The following DSCAM variants were observed in gnomAD, a reference collection of about 807,000 sequenced individuals.
DSCAM encodes DS cell adhesion molecule.
Under a neutral mutation model 217.7 loss-of-function variants are expected in DSCAM, and 47 were observed. The observed-to-expected ratio is 0.22, with a 90% CI of 0.17 to 0.28. The LOEUF (loss-of-function observed/expected upper bound fraction) is 0.28. Ranked by LOEUF, DSCAM falls within the 10% of genes least tolerant of loss-of-function variation. The probability of loss-of-function intolerance (pLI) is 1.00; values close to 1 mark genes in which losing one functional copy is unlikely to be tolerated. For synonymous variants in DSCAM, 1,056 were observed against 1,015.3 expected, an observed-to-expected ratio of 1.04 and a Z score of -0.76; for missense variants, 2,080 against 2,618.3, an observed-to-expected ratio of 0.79 and a Z score of 4.49.
At chr21:40,506,987 G>C (rs890703004) in intron 3 of DSCAM, among the ~76,000 whole-genome samples, 1 of 152,166 alleles carries the variant, frequency 6.6e-6, no homozygotes, top group Non-Finnish European at 1.5e-5. Flanking sequence ...TAAAATAACA[G>C]CCACAACTTG....
At chr21:40,266,426 A>G (rs945061820) in intron 11 of DSCAM, among the ~76,000 whole-genome samples, 1 of 151,930 alleles carries the variant, frequency 6.6e-6, no homozygotes, top group African/African-American at 2.4e-5. Flanking sequence ...CACAATCTCT[A>G]CAGAAAACAG....
chr21:40,584,140 A>C (rs549200559), intron 3 of DSCAM, among the ~76,000 whole-genome samples: 1 of 152,240 alleles, frequency 6.6e-6, no homozygotes, highest in South Asian at 2.1e-4. Flanking sequence ...ATAAGAAAAG[A>C]AGCACAGAGA....
chr21:40,189,182 T>C lies in DSCAM; in HGVS notation c.2413A>G (p.Lys805Glu). 1.2e-6 allele frequency: 2 copies of C among 1,613,202 alleles called. No individual in the cohort carries two copies. Among genetic ancestry groups the C allele is most frequent in the Admixed American group, 3.3e-5 (2 of 59,770 alleles). Reference sequence around the variant, plus strand: ...CCATGCGCCGTGCAGCTCATCTCCTTTTTCTGCCCCTGCGTGGCCAGGGTA... The same window carrying C: ...CCATGCGCCGTGCAGCTCATCTCCTCTTTCTGCCCCTGCGTGGCCAGGGTA... The part of the protein sequence containing the change: ...NTTLATQGQK[K>E]EMSCTAHGEK... The change falls in exon 12 of 33, where the codon AAG (lysine) becomes GAG (glutamate). Residue 805 changes from lysine (K) to glutamate (E), a missense_variant. Physicochemically the swap from Lys to Glu is moderately conservative, Grantham distance 56. Transcript: ENST00000400454.
chr21:40,508,144 C>T (rs1239441646), intron 3 of DSCAM, among the ~76,000 whole-genome samples: 1 of 152,172 alleles, frequency 6.6e-6, no homozygotes, highest in Non-Finnish European at 1.5e-5. Context: ...AATTTCAACA[C>T]TGATTTATTT....
chr21:40,329,851 G>A (rs1185104807), intron 8 of DSCAM, among the ~76,000 whole-genome samples: 1 of 151,968 alleles, frequency 6.6e-6, no homozygotes, highest in Non-Finnish European at 1.5e-5. Context: ...TGATCTTATA[G>A]AAGTAGAAAG....
intron 20 of DSCAM, among the ~76,000 whole-genome samples, chr21:40,095,358 T>C (rs2089663052): frequency 6.6e-6 from 1 of 152,164 alleles, no homozygotes. Context: ...CAGAGTGTTA[T>C]GAGATAATAG....
At chr21:40,383,555 C>T (rs2075048829) in intron 3 of DSCAM, 1 of 152,160 alleles carries the variant, frequency 6.6e-6, no homozygotes, top group Non-Finnish European at 1.5e-5. Flanking sequence ...TAGGTGCCTC[C>T]ACTAGAATTC....
intron 8 of DSCAM, among the ~76,000 whole-genome samples, chr21:40,332,490 T>C (rs929508480): frequency 5.3e-5 from 8 of 152,178 alleles, no homozygotes; most frequent in African/African-American, 1.9e-4. Context: ...TATATAAATA[T>C]AAATAAAAGG....
intron 8 of DSCAM, among the ~76,000 whole-genome samples, chr21:40,327,503 T>C (rs760636929): frequency 6.6e-6 from 1 of 152,198 alleles, no homozygotes; most frequent in Non-Finnish European, 1.5e-5. Flanking sequence ...GTTAATTTCT[T>C]CCTTTCCAAT....
At chr21:40,015,576 C>G (rs2088143507) in intron 32 of DSCAM, among the ~76,000 whole-genome samples, 1 of 152,136 alleles carries the variant, frequency 6.6e-6, no homozygotes, top group South Asian at 2.1e-4. Flanking sequence ...GCTACAGTTA[C>G]ATACCACCAT....
intron 9 of DSCAM, among the ~76,000 whole-genome samples, chr21:40,306,116 A>C (rs1435212487): frequency 6.1e-5 from 9 of 148,146 alleles, no homozygotes; most frequent in Admixed American, 3.4e-4. Context: ...CTTTTATTTC[A>C]TTGAGCAGCG....
chr21:40,262,011 C>G (rs547283247), intron 11 of DSCAM, among the ~76,000 whole-genome samples: 31 of 152,138 alleles, frequency 2.0e-4, no homozygotes, highest in African/African-American at 7.0e-4. Context: ...TGAGTGTTCT[C>G]TCTCTCTCTC....
chr21:40,245,607 G>A (rs918847552), intron 11 of DSCAM, among the ~76,000 whole-genome samples: 1 of 152,196 alleles, frequency 6.6e-6, no homozygotes, highest in Non-Finnish European at 1.5e-5. Flanking sequence ...CACCCTTTCA[G>A]GGTTGGTGCT....
intron 1 of DSCAM, among the ~76,000 whole-genome samples, chr21:40,818,073 G>C (rs1239782753): frequency 8.0e-6 from 1 of 124,628 alleles, no homozygotes; most frequent in African/African-American, 3.1e-5. Context: ...TCCGCAGTCC[G>C]GCCTGGGCGA....
At chr21:40,778,750 C>T (rs549263981) in intron 1 of DSCAM, among the ~76,000 whole-genome samples, 3 of 151,992 alleles carry the variant, frequency 2.0e-5, no homozygotes, top group African/African-American at 4.8e-5. Context: ...GTGGGCCGGG[C>T]ATGGTGGCTC....
intron 4 of DSCAM, among the ~76,000 whole-genome samples, chr21:40,354,410 C>T (rs891502669): frequency 5.3e-5 from 8 of 152,042 alleles, no homozygotes; most frequent in Admixed American, 5.2e-4. Flanking sequence ...CTCTGTAGCT[C>T]AGGCTGGAGT....
At chr21:40,360,706 A>G (rs2074753250) in intron 4 of DSCAM, among the ~76,000 whole-genome samples, 2 of 152,082 alleles carry the variant, frequency 1.3e-5, no homozygotes, top group Admixed American at 6.6e-5. Flanking sequence ...TATTTATCCA[A>G]TCTACCATTG....
At chr21:40,713,645 G>A (rs1394997540) in intron 1 of DSCAM, among the ~76,000 whole-genome samples, 1 of 152,184 alleles carries the variant, frequency 6.6e-6, no homozygotes, top group Non-Finnish European at 1.5e-5. Context: ...AACTTCATTA[G>A]GAAGAACTGT....
chr21:40,262,636 C>T (rs2073468830), intron 11 of DSCAM, among the ~76,000 whole-genome samples: 1 of 152,134 alleles, frequency 6.6e-6, no homozygotes, highest in Admixed American at 6.5e-5. Flanking sequence ...TTCCCAACAC[C>T]CTCTTATGAA....
Sources: gnomAD v4.1 joint callset for allele counts (sites outside exome capture counted in the v4.1 genomes callset) on GRCh38, gnomAD v4.1.1 for gene constraint, MANE v1.5 for transcripts, NCBI Gene and HGNC (gene_info 2026-07-23, HGNC 2026-07-21) for gene names.